The following CAMTA1 variants were observed in gnomAD, a reference collection of about 807,000 sequenced individuals.
CAMTA1 encodes the protein calmodulin-binding transcription activator 1.
CAMTA1 carries 27 observed loss-of-function variants against 170.9 expected under a neutral mutation model. The observed-to-expected ratio is 0.16, with a 90% CI of 0.12 to 0.22. The LOEUF (loss-of-function observed/expected upper bound fraction) is 0.22. Among genes scored for constraint, CAMTA1 ranks in the 10% least tolerant of loss-of-function variants. CAMTA1 has a pLI of 1.00. For missense variants in CAMTA1, 1,619 were observed against 2,217.2 expected, an observed-to-expected ratio of 0.73 and a Z score of 5.42; for synonymous variants, 833 against 891.5, an observed-to-expected ratio of 0.93 and a Z score of 1.17.
chr1:7,334,038 A>G (rs1253563920), intron 5 of CAMTA1, among the ~76,000 whole-genome samples: 1 of 152,222 alleles, frequency 6.6e-6, no homozygotes, highest in African/African-American at 2.4e-5. Context: ...AGGAAAGGCC[A>G]TTTTAATCTG....
At chr1:7,643,584 G>T (rs950614231) in intron 7 of CAMTA1, among the ~76,000 whole-genome samples, 1 of 152,206 alleles carries the variant, frequency 6.6e-6, no homozygotes, top group Non-Finnish European at 1.5e-5. Context: ...TGAACTCCAG[G>T]GGGTGGAAAC....
intron 1 of CAMTA1, among the ~76,000 whole-genome samples, chr1:6,809,161 G>A (rs1215722000): frequency 6.6e-6 from 1 of 151,816 alleles, no homozygotes; most frequent in Non-Finnish European, 1.5e-5. Flanking sequence ...CGAGTAGCTG[G>A]GATTACAGGC....
At chr1:7,284,419 G>T (rs1241585601) in intron 5 of CAMTA1, among the ~76,000 whole-genome samples, 1 of 151,934 alleles carries the variant, frequency 6.6e-6, no homozygotes, top group Non-Finnish European at 1.5e-5. Flanking sequence ...AGCCAGGCTG[G>T]TCTTGAACTC....
intron 3 of CAMTA1, among the ~76,000 whole-genome samples, chr1:7,052,024 A>G (rs1158717287): frequency 1.7e-5 from 2 of 115,750 alleles, no homozygotes; most frequent in Non-Finnish European, 3.2e-5. Context: ...AGCCCTTTCA[A>G]GTGGAGGCTG....
At chr1:7,603,426 C>G (rs1483063218) in intron 6 of CAMTA1, among the ~76,000 whole-genome samples, 4 of 152,162 alleles carry the variant, frequency 2.6e-5, no homozygotes, top group Non-Finnish European at 4.4e-5. Context: ...GATCCCTTTA[C>G]CATTATGTAA....
At chr1:7,246,909 C>G (rs1332828626) in intron 4 of CAMTA1, among the ~76,000 whole-genome samples, 1 of 152,080 alleles carries the variant, frequency 6.6e-6, no homozygotes, top group South Asian at 2.1e-4. Context: ...CTCAAGTGAT[C>G]CACCTGCCTC....
rs980918588 is a variant in CAMTA1 at position 7,325,643 on chromosome 1, C to T, written c.438+76017C>T. Among the ~76,000 whole-genome samples the T allele has an allele frequency of 1.3e-5, 2 of 152,076 alleles. No individual in the cohort carries two copies. The highest frequency in any genetic ancestry group is 2.9e-5 in the Non-Finnish European group (2 of 68,024). On this transcript the variant is annotated intron_variant, in intron 5 of 22. Transcript: ENST00000303635. This position sits in a 1 kb window ranked among gnomAD's most constrained non-coding sequence, Gnocchi z 5.0. ...TGGGGTAGAGTCAAGCTTTTTTCTG[C>T]ATGTTTTTGTCTTGAGCACCTAGAA...
intron 3 of CAMTA1, among the ~76,000 whole-genome samples, chr1:6,940,725 T>G (rs932725537): frequency 2.0e-5 from 3 of 151,946 alleles, no homozygotes; most frequent in African/African-American, 7.3e-5. Flanking sequence ...GGCCTCAGTG[T>G]GCACTGGGGA....
intron 4 of CAMTA1, among the ~76,000 whole-genome samples, chr1:7,221,859 G>A (rs191859604): frequency 1.6e-4 from 24 of 151,940 alleles, no homozygotes; most frequent in African/African-American, 5.8e-4. Context: ...CTTGTGCCAT[G>A]GGTGACCCCT....
chr1:7,542,879 G>GTGTGTGTGT (rs1459264062), intron 6 of CAMTA1, among the ~76,000 whole-genome samples: 2 of 138,170 alleles, frequency 1.4e-5, no homozygotes, highest in African/African-American at 5.6e-5. Flanking sequence ...GTGTGTGTGT[G>GTGTGTGTGT]TTTGAGCCGG....
chr1:7,161,058 G>GC (rs1191047319), intron 4 of CAMTA1, among the ~76,000 whole-genome samples: 1 of 151,976 alleles, frequency 6.6e-6, no homozygotes, highest in Non-Finnish European at 1.5e-5. Context: ...TCCCTCTCTT[G>GC]CCCTCCTCTA....
chr1:7,544,572 A>G (rs1351672361), intron 6 of CAMTA1, among the ~76,000 whole-genome samples: 1 of 152,248 alleles, frequency 6.6e-6, no homozygotes, highest in African/African-American at 2.4e-5. Flanking sequence ...GAATTGTCGT[A>G]CAAAGAGAAC....
intron 7 of CAMTA1, among the ~76,000 whole-genome samples, chr1:7,648,230 A>G (rs1312228901): frequency 1.3e-5 from 2 of 152,156 alleles, no homozygotes; most frequent in African/African-American, 2.4e-5. Context: ...TGTTTCTACT[A>G]AAAATACAAA....
intron 6 of CAMTA1, among the ~76,000 whole-genome samples, chr1:7,597,569 TA>T (rs1305109040): frequency 6.6e-6 from 1 of 152,046 alleles, no homozygotes; most frequent in African/African-American, 2.4e-5. Flanking sequence ...ATAGGATGTG[TA>T]TATATATGGA....
intron 3 of CAMTA1, among the ~76,000 whole-genome samples, chr1:7,005,831 C>T (rs1011762603): frequency 5.3e-5 from 8 of 152,206 alleles, no homozygotes; most frequent in African/African-American, 1.9e-4. Context: ...TACTTGAGTA[C>T]CAAATGGATG....
intron 4 of CAMTA1, among the ~76,000 whole-genome samples, chr1:7,098,412 CAACTGCAGGG>C (rs920815091): frequency 3.9e-5 from 6 of 152,250 alleles, no homozygotes; most frequent in Non-Finnish European, 8.8e-5. Flanking sequence ...GGCCAAAGGG[CAACTGCAGGG>C]TGAGGGAGTT....
chr1:7,670,110 C>A (rs924299781), intron 9 of CAMTA1, among the ~76,000 whole-genome samples: 1 of 152,176 alleles, frequency 6.6e-6, no homozygotes, highest in African/African-American at 2.4e-5. Flanking sequence ...TGAGGAAGGT[C>A]ATTCGAGGCT....
At chr1:7,326,204 G>A (rs1024933663) in intron 5 of CAMTA1, among the ~76,000 whole-genome samples, 1 of 152,138 alleles carries the variant, frequency 6.6e-6, no homozygotes, top group Non-Finnish European at 1.5e-5. Context: ...AATTTTGAGA[G>A]CCTTCTTTAA....
At chr1:7,120,963 A>G (rs760606775) in intron 4 of CAMTA1, among the ~76,000 whole-genome samples, 6 of 152,220 alleles carry the variant, frequency 3.9e-5, no homozygotes, top group Non-Finnish European at 7.3e-5. Flanking sequence ...CAGAGATGTC[A>G]GGGCCAGGGT....
Sources: gnomAD v4.1 joint callset for allele counts (sites outside exome capture counted in the v4.1 genomes callset) on GRCh38, gnomAD v4.1.1 for gene constraint, Gnocchi (gnomAD v3.1) non-coding constraint, MANE v1.5 for transcripts, NCBI Gene and HGNC (gene_info 2026-07-23, HGNC 2026-07-21) for gene names.